The following CCDC191 variants were observed in gnomAD, a reference collection of about 807,000 sequenced individuals.
CCDC191 encodes coiled-coil domain containing 191, also known as coiled-coil domain-containing protein 191.
Under a neutral mutation model 114.0 loss-of-function variants are expected in CCDC191, and 99 were observed. That is an observed-to-expected ratio of 0.87 (90% CI 0.74 to 1.03). CCDC191 has a LOEUF of 1.03. CCDC191 is among the 50% of genes least tolerant of loss of function. The pLI is 0.00. For missense variants in CCDC191, 973 were observed against 1,087.0 expected, an observed-to-expected ratio of 0.90 and a Z score of 1.47; for synonymous variants, 351 against 376.0, an observed-to-expected ratio of 0.93 and a Z score of 0.77.
chr3:114,019,272 C>T (rs1231814028), intron 7 of CCDC191, among the ~76,000 whole-genome samples: 1 of 152,210 alleles, frequency 6.6e-6, no homozygotes, highest in Admixed American at 6.5e-5. Context: ...CCGTTTCTGA[C>T]ACACTAGTGT....
intron 6 of CCDC191, among the ~76,000 whole-genome samples, 175 bp from the exon 7 acceptor site, chr3:114,031,954 T>C (rs1194340112): frequency 6.6e-6 from 1 of 152,160 alleles, no homozygotes; most frequent in East Asian, 1.9e-4. Context: ...TTTATTCCTT[T>C]ATAAAATACA....
At chr3:114,020,227 T>C (rs2076224061) in intron 7 of CCDC191, among the ~76,000 whole-genome samples, 1 of 152,176 alleles carries the variant, frequency 6.6e-6, no homozygotes, top group Admixed American at 6.5e-5. Context: ...ACAAAATTGT[T>C]TGATATGACC....
chr3:114,054,972 C>T (rs1324406505), intron 1 of CCDC191, among the ~76,000 whole-genome samples: 2 of 151,758 alleles, frequency 1.3e-5, no homozygotes, highest in African/African-American at 4.8e-5. Flanking sequence ...GTTCCCAGTT[C>T]ATGAATTGCT....
intron 16 of CCDC191, among the ~76,000 whole-genome samples, chr3:113,977,644 C>G (rs1449236324): frequency 2.0e-5 from 3 of 152,026 alleles, no homozygotes; most frequent in African/African-American, 4.8e-5. Context: ...AAAAGAAAAG[C>G]AAATGTTCAT....
intron 13 of CCDC191, among the ~76,000 whole-genome samples, chr3:113,985,143 G>C (rs1427528448): frequency 6.6e-6 from 1 of 152,254 alleles, no homozygotes; most frequent in Non-Finnish European, 1.5e-5. Flanking sequence ...CCCTTTGAAG[G>C]CTTTTCTTAT....
chr3:114,034,392 G>GT (rs2076450643), intron 6 of CCDC191, among the ~76,000 whole-genome samples: 3 of 152,168 alleles, frequency 2.0e-5, no homozygotes, highest in Admixed American at 2.0e-4. Context: ...CAGTAAACAA[G>GT]TATCATCAGC....
At chr3:113,985,595 G>A (rs961535646) in intron 13 of CCDC191, among the ~76,000 whole-genome samples, 3 of 152,084 alleles carry the variant, frequency 2.0e-5, no homozygotes, top group African/African-American at 4.8e-5. Flanking sequence ...GCTCCCCATC[G>A]TCCACACCCA....
chr3:114,040,132 C>T (rs975152500), intron 4 of CCDC191, among the ~76,000 whole-genome samples: 3 of 152,078 alleles, frequency 2.0e-5, no homozygotes, highest in Admixed American at 2.0e-4. Context: ...GTTTAGACAC[C>T]CAAATACTTA....
chr3:114,035,898 AC>A (rs1239721582), intron 5 of CCDC191, among the ~76,000 whole-genome samples: 2 of 152,136 alleles, frequency 1.3e-5, no homozygotes. Context: ...CATTTCTCTA[AC>A]ATCCCCAGTG....
chr3:113,978,307 C>T lies in CCDC191; in HGVS notation c.2485G>A (p.Val829Ile). 1 of 1,613,926 alleles carries T rather than the reference C, an allele frequency of 6.2e-7. No homozygotes were observed. Among genetic ancestry groups the T allele is most frequent in the South Asian group, 1.1e-5 (1 of 91,078 alleles). The change falls in exon 16 of 17, where the codon GTA becomes ATA. Residue 829 changes from valine (V) to isoleucine (I), a missense_variant. By Grantham distance (29) the Val-to-Ile change is conservative. Transcript: ENST00000295878. ...AGAAAATGTACACAAAATTTTCTTACTTCTTCCTGCAGATCAATCACGTAC... is the reference window on the plus strand; with the variant it reads ...AGAAAATGTACACAAAATTTTCTTATTTCTTCCTGCAGATCAATCACGTAC... ...LQYVIDLQEE[V>I]RKFCVHFLQK...
chr3:113,980,911 A>G (rs1333479792), intron 13 of CCDC191, 118 bp from the exon 14 acceptor site: 1 of 922,014 alleles, frequency 1.1e-6, no homozygotes, highest in Non-Finnish European at 1.6e-6. Flanking sequence ...TAATCATGAT[A>G]ACAGAGCTCT....
intron 13 of CCDC191, among the ~76,000 whole-genome samples, chr3:113,994,669 G>A (rs950465066): frequency 2.0e-5 from 3 of 147,468 alleles, no homozygotes; most frequent in South Asian, 2.1e-4. Flanking sequence ...CTGCAACTTC[G>A]AACTCCTGAG....
intron 8 of CCDC191, among the ~76,000 whole-genome samples, chr3:114,018,341 T>C (rs908658740): frequency 2.6e-5 from 4 of 151,944 alleles, no homozygotes; most frequent in African/African-American, 9.7e-5. Flanking sequence ...TTTTATTTTA[T>C]TTTATTTTAT....
In CCDC191 at chr3:114,035,000, T is replaced by G; in HGVS notation, c.743A>C (p.Glu248Ala). ...KALEAKKEEE[E>A]IQREMVKLRR... ...CAGCTTCACCATCTCCCTTTGAATCTCCTCTTCCTCTTTCTTGGCCTCCAG... is the reference window on the plus strand; with the variant it reads ...CAGCTTCACCATCTCCCTTTGAATCGCCTCTTCCTCTTTCTTGGCCTCCAG... Residue 248 changes from glutamate (E) to alanine (A), a missense_variant, in exon 6 of 17, where the codon GAG becomes GCG. Glu to Ala is a moderately radical substitution (Grantham distance 107, BLOSUM62 -1). Coordinates refer to ENST00000295878, the MANE Select transcript of CCDC191 (RefSeq NM_020817.2). 1 of 1,614,094 alleles carries G rather than the reference T, an allele frequency of 6.2e-7. No individual in the cohort carries two copies. Among genetic ancestry groups the G allele is most frequent in the South Asian group, 1.1e-5 (1 of 91,078 alleles).
chr3:114,033,512 G>C (rs991485582), intron 6 of CCDC191, among the ~76,000 whole-genome samples: 1 of 151,982 alleles, frequency 6.6e-6, no homozygotes, highest in Admixed American at 6.6e-5. Context: ...TTGCTTTCTG[G>C]AAAGTTTAAA....
chr3:114,040,570 T>A (rs979383447), intron 4 of CCDC191, among the ~76,000 whole-genome samples: 11 of 152,144 alleles, frequency 7.2e-5, no homozygotes, highest in South Asian at 6.2e-4. Context: ...AAAATAAAAA[T>A]AAAAAGTCTT....
At chr3:113,972,510 A>C (rs1940928476) in intron 16 of CCDC191, among the ~76,000 whole-genome samples, 1 of 152,094 alleles carries the variant, frequency 6.6e-6, no homozygotes. Flanking sequence ...CTTATTATGG[A>C]GGATGTTCCA....
At chr3:114,042,125 T>C (rs1218644540) in intron 4 of CCDC191, among the ~76,000 whole-genome samples, 3 of 152,182 alleles carry the variant, frequency 2.0e-5, no homozygotes, top group Non-Finnish European at 4.4e-5. Flanking sequence ...AGTCCAATGA[T>C]ATATGAGGAA....
chr3:113,979,064 A>T, intron 14 of CCDC191, 54 bp from the exon 15 acceptor site: 1 of 1,515,184 alleles, frequency 6.6e-7, no homozygotes, highest in Non-Finnish European at 9.1e-7. Context: ...AATCATTTAA[A>T]CAAACACATC....
Sources: gnomAD v4.1 joint callset for allele counts (sites outside exome capture counted in the v4.1 genomes callset) on GRCh38, gnomAD v4.1.1 for gene constraint, MANE v1.5 for transcripts, NCBI Gene and HGNC (gene_info 2026-07-23, HGNC 2026-07-21) for gene names.